UPF1: variants seen among roughly 807,000 people sequenced by gnomAD.
UPF1 encodes UPF1 RNA helicase and ATPase.
Under a neutral mutation model 129.2 loss-of-function variants are expected in UPF1, and 9 were observed. The ratio of observed to expected loss-of-function variants is 0.07; its 90% CI spans 0.04 to 0.12. The LOEUF (loss-of-function observed/expected upper bound fraction) is 0.12, where lower values mean the gene tolerates loss of function less well. Ranked by LOEUF, UPF1 falls within the 10% of genes least tolerant of loss-of-function variation. The pLI, the probability that UPF1 is intolerant of heterozygous loss-of-function variation, is 1.00. For synonymous variants in UPF1, 649 were observed against 644.9 expected (o/e 1.01, Z -0.10); for missense variants, 788 against 1,525.3 (o/e 0.52, Z 8.05).
In UPF1 at chr19:18,853,493, C is replaced by T. The variant is rs773477352; in HGVS notation, c.1156+143C>T. On this transcript the variant is annotated intron_variant, in intron 8 of 23. Transcript: ENST00000262803. This position sits in a 1 kb window ranked among gnomAD's most constrained non-coding sequence, Gnocchi z 4.4. Reference sequence around the variant, plus strand: ...GGGTGCTGGTTGGCATCGCCCTCCACTGCTCTTAGGAGAATCACAGGGCCT... The same window carrying T: ...GGGTGCTGGTTGGCATCGCCCTCCATTGCTCTTAGGAGAATCACAGGGCCT... 8 of 756,280 alleles carry T rather than the reference C, an allele frequency of 1.1e-5. No homozygotes were observed. Among genetic ancestry groups the T allele is most frequent in the Non-Finnish European group, 1.2e-5 (6 of 483,200 alleles). 46.8% of individuals were successfully genotyped at this position (756,280 alleles called of 1,614,324 possible).
At chr19:18,840,925 T>C (rs1314164169) in intron 1 of UPF1, among the ~76,000 whole-genome samples, 2 of 152,206 alleles carry the variant, frequency 1.3e-5, no homozygotes, top group East Asian at 1.9e-4. Context: ...AGGTGGCTCG[T>C]TGGGCTCTAG....
At chr19:18,860,283 G>C in intron 15 of UPF1, 38 bp from the exon 16 acceptor site, 1 of 1,606,120 alleles carries the variant, frequency 6.2e-7, no homozygotes, top group South Asian at 1.1e-5. Context: ...AGGCGGGCTA[G>C]GGCTTTTGAA....
At chr19:18,857,241 C>T in intron 14 of UPF1, 79 bp from the exon 15 acceptor site, 1 of 1,520,182 alleles carries the variant, frequency 6.6e-7, no homozygotes, top group Non-Finnish European at 8.9e-7. Context: ...CATCCTGGGG[C>T]CCCTACTTCC....
At position 18,832,955 on chromosome 19, in the gene UPF1, G is replaced by T. The variant is rs977777574; in HGVS notation, c.231+515G>T. 6.6e-6 allele frequency among the ~76,000 whole-genome samples: 1 copy of T among 151,756 alleles called. No individual in the cohort carries two copies. Among genetic ancestry groups the T allele is most frequent in the African/African-American group, 2.4e-5 (1 of 41,288 alleles). ...GGTATTCTGCCTCGAGTTCTCCTACGACCTGGGCCGGGTCTTGCTCAGGCC... is the reference window on the plus strand; with the variant it reads ...GGTATTCTGCCTCGAGTTCTCCTACTACCTGGGCCGGGTCTTGCTCAGGCC... On this transcript the variant is annotated intron_variant, in intron 1 of 23. Transcript: ENST00000262803. This position sits in a 1 kb window ranked among gnomAD's most constrained non-coding sequence, Gnocchi z 5.6.
intron 1 of UPF1, among the ~76,000 whole-genome samples, chr19:18,841,904 G>A (rs2055546182): frequency 6.6e-6 from 1 of 152,170 alleles, no homozygotes; most frequent in African/African-American, 2.4e-5. Flanking sequence ...TTCTCTTTGG[G>A]AAGAACGAAT....
In UPF1 at chr19:18,855,334, A is replaced by T. The variant is rs2055704828; in HGVS notation, c.1544+92A>T. The T allele has an allele frequency of 2.8e-6, 4 of 1,421,932 alleles. No homozygotes were observed. The East Asian group carries it at 9.3e-5, about 33-fold the overall frequency. The allele number at this position is 1,421,932 out of a possible 1,614,324, so 88.1% of individuals were successfully genotyped here. ...GGTGCTGGGAGCCTTGGGCTCTGTC[A>T]CACCGAAGAGAGCACGTGGCGGGTA... On this transcript the variant is annotated intron_variant, in intron 11 of 23. Transcript: ENST00000262803.
chr19:18,849,897 C>A, intron 3 of UPF1, 178 bp from the exon 4 acceptor site: 2 of 682,664 alleles, frequency 2.9e-6, no homozygotes, highest in South Asian at 3.8e-5. Flanking sequence ...GATTTTTGTG[C>A]TCAGTGGGGA....
Position 18,864,174 on chromosome 19 carries a change from C to G in UPF1, c.2780C>G (p.Ala927Gly), listed in dbSNP as rs774815255. ...CACCTATCTAAACCTTCGCAGGGAG[C>G]CCGCTTCATGACCACAGCCATGTAT... Reference protein sequence around the residue: ...RKLVNTINPGARFMTTAMYDA... With the variant: ...RKLVNTINPGGRFMTTAMYDA... Residue 927 changes from alanine to glycine, a missense_variant, in exon 20 of 24, where the codon GCC (alanine) becomes GGC (glycine). Around this residue, in one of 6 missense-constraint regions of UPF1, gnomAD observed 218 missense variants for 318.1 expected, o/e 0.69. Coordinates refer to ENST00000262803, the MANE Select transcript of UPF1 (RefSeq NM_002911.4). The G allele has an allele frequency of 6.2e-7, 1 of 1,613,880 alleles. No individual in the cohort carries two copies. Among genetic ancestry groups the G allele is most frequent in the Non-Finnish European group, 8.5e-7 (1 of 1,179,762 alleles).
Position 18,865,875 on chromosome 19 carries a change from A to G in UPF1, c.3237+97A>G, listed in dbSNP as rs1403932506. 1.1e-5 allele frequency: 18 copies of G among 1,575,092 alleles called. No homozygotes were observed. The East Asian group carries it at 2.3e-4, about 20-fold the overall frequency. ...GAGCCCCAGAGAGCTGGCCTGGCCC[A>G]TGTCCACTGTCTGAATTACCTGTCC... On this transcript the variant is annotated intron_variant, in intron 22 of 23. Transcript: ENST00000262803. The surrounding 1 kb of genome is among the most constrained non-coding windows in gnomAD (Gnocchi z 6.1).
intron 11 of UPF1, 36 bp from the exon 12 acceptor site, chr19:18,855,889 C>T: frequency 1.2e-6 from 2 of 1,605,044 alleles, no homozygotes; most frequent in Non-Finnish European, 1.7e-6. Context: ...CGAGCTTCCT[C>T]TGGGTAAGCA....
In UPF1 at chr19:18,860,997, C is replaced by T. The variant is rs369486440; in HGVS notation, c.2457+15C>T. On this transcript the variant is annotated intron_variant, in intron 17 of 23. Transcript: ENST00000262803. ...AGCTCTACCAGGTGCGCTGCGCCCT[C>T]GGGCACACTTGGTCTCCTGGGCCAT... is the stretch of plus-strand genomic sequence containing the variant. The T allele has an allele frequency of 1.5e-5, 24 of 1,561,582 alleles. No individual in the cohort carries two copies. The highest frequency in any genetic ancestry group is 2.4e-5 in the East Asian group (1 of 42,280).
chr19:18,860,123 C>CGTA, intron 15 of UPF1, 198 bp from the exon 16 acceptor site: 3 of 606,044 alleles, frequency 5.0e-6, no homozygotes, highest in Admixed American at 2.7e-5. Context: ...TCTCGGTGGC[C>CGTA]TCTCCTCAGC....
At position 18,847,141 on chromosome 19, in the gene UPF1, A is replaced by G. The variant is rs117859035; in HGVS notation, c.372-603A>G. The stretch of plus-strand genomic sequence containing the variant: ...TTTCCTGCATCTCAGCTCTTCACTC[A>G]TTCTCATTTACAGATGTTTTCGTGT... On this transcript the variant is annotated intron_variant, in intron 2 of 23. Transcript: ENST00000262803. 3.7e-3 allele frequency among the ~76,000 whole-genome samples: 570 copies of G among 152,354 alleles called. 9 individuals are homozygous for G. The highest frequency in any genetic ancestry group is 0.011 in the South Asian group (55 of 4,830).
At position 18,853,715 on chromosome 19, in the gene UPF1, C is replaced by T. The variant is rs1004992678; in HGVS notation, c.1156+365C>T. Among the ~76,000 whole-genome samples, 5 of 152,220 alleles carry T rather than the reference C, an allele frequency of 3.3e-5. No homozygotes were observed. The highest frequency in any genetic ancestry group is 6.5e-5 in the Admixed American group (1 of 15,288). On this transcript the variant is annotated intron_variant, in intron 8 of 23. Transcript: ENST00000262803. The surrounding 1 kb of genome is among the most constrained non-coding windows in gnomAD (Gnocchi z 4.4). ...CTTACCTGGACGCTGACTCTGCACA[C>T]GGAGGTTCCAGAAGCCAGTGGTCAC...
intron 1 of UPF1, among the ~76,000 whole-genome samples, chr19:18,845,311 T>C (rs569152194): frequency 1.3e-4 from 20 of 152,202 alleles, no homozygotes; most frequent in African/African-American, 3.9e-4. Context: ...TACTTGGGAG[T>C]GGCATGAGGA....
chr19:18,860,398 C>T lies in UPF1; in HGVS notation c.2260C>T (p.Gln754Ter), dbSNP rs774113589. The change falls in exon 16 of 24, where the codon CAA becomes TAA. Residue 754 changes from glutamine (Q) to a stop codon, truncating the protein, a stop_gained. Coordinates refer to ENST00000262803, the MANE Select transcript of UPF1 (RefSeq NM_002911.4). LOFTEE classifies it high-confidence loss of function. The stretch of plus-strand genomic sequence containing the variant: ...GATGTTCTTCTACGTGACCCAGGGC[C>T]AAGAGGAGATTGCCAGCTCGGGCAC... ...KPMFFYVTQG[Q>*]EEIASSGTSY... The T allele has an allele frequency of 6.2e-7, 1 of 1,614,092 alleles. No homozygotes were observed.
At chr19:18,843,428 G>T (rs541459032) in intron 1 of UPF1, among the ~76,000 whole-genome samples, 1 of 152,146 alleles carries the variant, frequency 6.6e-6, no homozygotes, top group South Asian at 2.1e-4. Flanking sequence ...GATGTCTGCG[G>T]CCTGAGAGTT....
Position 18,867,558 on chromosome 19 carries a change from A to T in UPF1, c.*1041A>T, listed in dbSNP as rs1291339733. On this transcript the variant is annotated 3_prime_UTR_variant, in exon 24 of 24. Transcript: ENST00000262803. ...GTCCCTGTCCCCGTCCCCAGGAGGT[A>T]CCGACAGTCCCTGTGCTGGTTAGAC... 6.6e-6 allele frequency: 1 copy of T among 152,274 alleles called. No individual in the cohort carries two copies. 9.4% of individuals were successfully genotyped at this position (152,274 alleles called of 1,614,324 possible). A position where few individuals can be genotyped will look rare whatever the true frequency, so the allele number is the denominator to read the frequency against.
At chr19:18,849,927 G>A in intron 3 of UPF1, 148 bp from the exon 4 acceptor site, 2 of 958,362 alleles carry the variant, frequency 2.1e-6, no homozygotes, top group Non-Finnish European at 3.1e-6. Context: ...GGGGAGGGCT[G>A]GCCCCCAGAG....
Sources: allele counts gnomAD v4.1 joint callset (sites outside exome capture counted in the v4.1 genomes callset), GRCh38; gene constraint gnomAD v4.1.1; regional missense constraint gnomAD v4.1.1; non-coding constraint Gnocchi (gnomAD v3.1); transcripts MANE v1.5; gene names NCBI Gene and HGNC (gene_info 2026-07-23, HGNC 2026-07-21).